NFIB: variants seen among roughly 807,000 people sequenced by gnomAD.
NFIB encodes the protein nuclear factor I B.
NFIB carries 11 observed loss-of-function variants against 61.5 expected under a neutral mutation model. The ratio of observed to expected loss-of-function variants is 0.18; its 90% CI spans 0.11 to 0.30. NFIB has a LOEUF of 0.30. NFIB is among the 10% of genes least tolerant of loss of function. The pLI is 1.00. For missense variants in NFIB, 471 were observed against 608.9 expected (o/e 0.77, Z 2.38); for synonymous variants, 260 against 216.5 (o/e 1.20, Z -1.76).
At chr9:14,266,644 C>T (rs1364980699) in intron 2 of NFIB, among the ~76,000 whole-genome samples, 2 of 151,956 alleles carry the variant, frequency 1.3e-5, no homozygotes, top group East Asian at 1.9e-4. Context: ...ATGCTTCCCT[C>T]GGATCTCCTC....
the NFIB span, among the ~76,000 whole-genome samples, chr9:14,419,597 A>G: frequency 9.2e-5 from 14 of 152,238 alleles, no homozygotes; most frequent in Non-Finnish European, 1.9e-4. Flanking sequence ...GTAGCCTTGC[A>G]TGTTACGTAG....
At chr9:14,386,723 T>C (rs2061553581) in intron 1 of NFIB, among the ~76,000 whole-genome samples, 1 of 152,190 alleles carries the variant, frequency 6.6e-6, no homozygotes, top group Non-Finnish European at 1.5e-5. Context: ...TTTTTATATA[T>C]TTATTAGATT....
chr9:14,224,104 A>T (rs1318904103), intron 2 of NFIB, among the ~76,000 whole-genome samples: 1 of 152,198 alleles, frequency 6.6e-6, no homozygotes, highest in African/African-American at 2.4e-5. Flanking sequence ...CAGTCCCCAC[A>T]CTTATTATGT....
rs76528145 is a variant in NFIB at position 14,312,401 on chromosome 9, A to G, written c.30+1081T>C. Among the ~76,000 whole-genome samples, 969 of 152,362 alleles carry G rather than the reference A, an allele frequency of 6.4e-3. 15 individuals carry two copies. The highest frequency in any genetic ancestry group is 0.023 in the African/African-American group (941 of 41,574). ...CTAGTTTTCATGGCAATGTCAAAGA[A>G]AATAGTTATCAATTACCAATGGTGA... On this transcript the variant is annotated intron_variant, in intron 1 of 10. Transcript: ENST00000380953.
At chr9:14,519,203 G>T in the NFIB span, among the ~76,000 whole-genome samples, 2 of 152,192 alleles carry the variant, frequency 1.3e-5, no homozygotes, top group African/African-American at 4.8e-5. Flanking sequence ...CTTAAGGCAA[G>T]CTCAACCTCG....
chr9:14,193,788 G>C (rs1265441528), intron 2 of NFIB, among the ~76,000 whole-genome samples: 1 of 152,172 alleles, frequency 6.6e-6, no homozygotes, highest in Non-Finnish European at 1.5e-5. Flanking sequence ...AACTGTGCTA[G>C]ATAACAGCCC....
At chr9:14,176,256 TAAAAAAAA>T (rs58705977) in intron 3 of NFIB, among the ~76,000 whole-genome samples, 5 of 131,464 alleles carry the variant, frequency 3.8e-5, no homozygotes, top group Admixed American at 7.5e-5. Flanking sequence ...ATTAACTTGT[TAAAAAAAA>T]AAAAAAAAAA....
At chr9:14,146,936 T>C in intron 5 of NFIB, 129 bp from the exon 6 acceptor site, 4 of 1,224,188 alleles carry the variant, frequency 3.3e-6, no homozygotes, top group Non-Finnish European at 4.6e-6. Context: ...GTGAGTATAA[T>C]GGTGAGTATT....
chr9:14,509,086 T>G, the NFIB span, among the ~76,000 whole-genome samples: 1 of 152,232 alleles, frequency 6.6e-6, no homozygotes, highest in African/African-American at 2.4e-5. Flanking sequence ...AGTTGTTTCA[T>G]TCAGCAAGCG....
At chr9:14,524,121 C>A in the NFIB span, among the ~76,000 whole-genome samples, 3,863 of 152,140 alleles carry the variant, frequency 0.025, 71 homozygotes, top group Non-Finnish European at 0.042. Flanking sequence ...CATTAAGGGC[C>A]TTTTAGGTAC....
Position 14,350,168 on chromosome 9 carries a change from A to G in NFIB, c.109-42648T>C, listed in dbSNP as rs183735556. Among the ~76,000 whole-genome samples, 795 of 152,210 alleles carry G rather than the reference A, an allele frequency of 5.2e-3. 6 individuals carry two copies. Among genetic ancestry groups the G allele is most frequent in the Non-Finnish European group, 7.7e-3 (523 of 68,014 alleles). On this transcript the variant is annotated intron_variant, in intron 1 of 8. Coordinates refer to the NFIB transcript ENST00000380934. ...CTCTGTATTATTTCGGTTCAGTCCCAGGGGCCCCGACCCAAGGATAATAAA... is the reference window on the plus strand; with the variant it reads ...CTCTGTATTATTTCGGTTCAGTCCCGGGGGCCCCGACCCAAGGATAATAAA...
the NFIB span, among the ~76,000 whole-genome samples, chr9:14,478,162 G>T: frequency 6.6e-6 from 1 of 152,098 alleles, no homozygotes; most frequent in African/African-American, 2.4e-5. Context: ...TTCACACAAA[G>T]CATTAGTGAC....
chr9:14,446,325 C>G, the NFIB span, among the ~76,000 whole-genome samples: 2 of 152,206 alleles, frequency 1.3e-5, no homozygotes, highest in South Asian at 4.1e-4. Flanking sequence ...TCTTCAGATA[C>G]TGTCTCTGCT....
chr9:14,427,951 T>TGTTTG, the NFIB span, among the ~76,000 whole-genome samples: 94 of 112,890 alleles, frequency 8.3e-4, no homozygotes, highest in African/African-American at 2.9e-3. Context: ...TTTTTTTTTT[T>TGTTTG]TTTTTTTTTT....
the NFIB span, among the ~76,000 whole-genome samples, chr9:14,481,179 G>C: frequency 9.7e-5 from 6 of 61,876 alleles, no homozygotes; most frequent in African/African-American, 4.5e-4. Context: ...CAAAAACTGA[G>C]TGTGTGTGTG....
At chr9:14,466,383 C>T in the NFIB span, among the ~76,000 whole-genome samples, 1,620 of 152,276 alleles carry the variant, frequency 0.011, 16 homozygotes, top group Non-Finnish European at 0.016. Flanking sequence ...TCTGACAGCA[C>T]ACTCTGCACT....
At chr9:14,482,118 TAGG>T in the NFIB span, among the ~76,000 whole-genome samples, 7 of 128,602 alleles carry the variant, frequency 5.4e-5, no homozygotes, top group African/African-American at 2.1e-4. Flanking sequence ...TGCCATGTTC[TAGG>T]AGATCACTTC....
intron 2 of NFIB, among the ~76,000 whole-genome samples, chr9:14,217,820 TG>T (rs2051121337): frequency 1.3e-5 from 2 of 152,186 alleles, no homozygotes; most frequent in South Asian, 4.1e-4. Flanking sequence ...TTTTATACTT[TG>T]TTTCTTTCCC....
chr9:14,237,999 G>A (rs976948179), intron 2 of NFIB, among the ~76,000 whole-genome samples: 1 of 151,880 alleles, frequency 6.6e-6, no homozygotes, highest in Admixed American at 6.6e-5. Context: ...AGAAACAAAT[G>A]AATATGAAAT....
Sources: allele counts gnomAD v4.1 joint callset (sites outside exome capture counted in the v4.1 genomes callset), GRCh38; gene constraint gnomAD v4.1.1; transcripts MANE v1.5; gene names NCBI Gene and HGNC (gene_info 2026-07-23, HGNC 2026-07-21).